The following MACF1 variants were observed in gnomAD, a reference collection of about 807,000 sequenced individuals.
MACF1 encodes the protein microtubule-actin cross-linking factor 1.
A neutral mutation model predicts 854.8 loss-of-function variants in MACF1; 193 were observed. The observed-to-expected ratio is 0.23, with a 90% CI of 0.20 to 0.25. The LOEUF is 0.25. Among genes scored for constraint, MACF1 ranks in the 10% least tolerant of loss-of-function variants. MACF1 has a pLI of 1.00. For missense variants in MACF1, 7,722 were observed against 8,929.1 expected (o/e 0.86, Z 5.45); for synonymous variants, 3,185 against 3,226.7 (o/e 0.99, Z 0.44).
intron 54 of MACF1, 82 bp downstream of exon 54, chr1:39,379,526 TGAGAG>T: frequency 6.7e-7 from 1 of 1,482,706 alleles, no homozygotes; most frequent in Non-Finnish European, 9.1e-7. Context: ...CCCAGGTATC[TGAGAG>T]AGAGACATGG....
intron 19 of MACF1, 68 bp downstream of exon 19, chr1:39,295,218 G>A: frequency 2.3e-6 from 3 of 1,329,468 alleles, no homozygotes; most frequent in Non-Finnish European, 3.2e-6. Context: ...ATTCAAATTA[G>A]AGACTTTGTT....
chr1:39,288,073 A>T (rs1645681818), intron 15 of MACF1, among the ~76,000 whole-genome samples: 1 of 152,210 alleles, frequency 6.6e-6, no homozygotes, highest in Admixed American at 6.5e-5. Context: ...TTTATACGAT[A>T]CATGAGATAT....
chr1:39,334,172 T>C lies in MACF1; in HGVS notation c.7584T>C (p.Gly2528=). 1 of 1,614,074 alleles carries C rather than the reference T, an allele frequency of 6.2e-7. No individual in the cohort carries two copies. The highest frequency in any genetic ancestry group is 1.3e-5 in the African/African-American group (1 of 75,022). Residue 2528 remains glycine, a synonymous_variant, in exon 37 of 101, where the codon GGT becomes GGC. Coordinates refer to ENST00000564288, the MANE Select transcript of MACF1 (RefSeq NM_001394062.1). ...VDNAFRHGLI[G]EDLAEKLKRV... is the part of the protein sequence containing the mutation. ...ATGCCTTCAGACATGGCTTAATTGG[T>C]GAAGATTTAGCCGAGAAACTCAAAA...
At chr1:39,190,307 C>T (rs1293445788) in intron 2 of MACF1, among the ~76,000 whole-genome samples, 1 of 151,148 alleles carries the variant, frequency 6.6e-6, no homozygotes, top group African/African-American at 2.4e-5. Context: ...CCTCCCCTCC[C>T]CGCCCCTCTC....
intron 49 of MACF1, among the ~76,000 whole-genome samples, chr1:39,365,868 G>A (rs1648659701): frequency 6.6e-6 from 1 of 151,950 alleles, no homozygotes; most frequent in African/African-American, 2.4e-5. Context: ...CAGAGACGGG[G>A]TTTCACCATG....
At chr1:39,482,804 AAAAAAAAAAAAC>A (rs1197984049) in intron 99 of MACF1, among the ~76,000 whole-genome samples, 5 of 147,776 alleles carry the variant, frequency 3.4e-5, no homozygotes, top group Non-Finnish European at 7.5e-5. Context: ...AAAAAAAAAA[AAAAAAAAAAAAC>A]CCCACACAGA....
chr1:39,480,283 T>C lies in MACF1; in HGVS notation c.22170+274T>C, dbSNP rs540657511. 3.3e-5 allele frequency among the ~76,000 whole-genome samples: 5 copies of C among 152,274 alleles called. No homozygotes were observed. The South Asian group carries it at 8.3e-4, about 25-fold the overall frequency. On this transcript the variant is annotated intron_variant, in intron 98 of 100. Coordinates refer to ENST00000564288, the MANE Select transcript of MACF1 (RefSeq NM_001394062.1). The stretch of plus-strand genomic sequence containing the variant: ...CAGAAATGTTTATTTCCTCATGTTC[T>C]CAGTTTAAGTTTGAGCCCATCCAGT...
chr1:39,244,078 T>G (rs1382072455), intron 2 of MACF1, among the ~76,000 whole-genome samples: 1 of 152,004 alleles, frequency 6.6e-6, no homozygotes, highest in African/African-American at 2.4e-5. Flanking sequence ...TGTATCTCTT[T>G]GATAGTTTTA....
chr1:39,471,359 G>A (rs76030961), intron 97 of MACF1, among the ~76,000 whole-genome samples: 4,161 of 152,226 alleles, frequency 0.027, 97 homozygotes, highest in Middle Eastern at 0.082. Context: ...GCTTATGGTA[G>A]GTTTTGTACT....
chr1:39,273,833 GC>G (rs1170924697), intron 6 of MACF1, among the ~76,000 whole-genome samples: 1 of 152,050 alleles, frequency 6.6e-6, no homozygotes, highest in Non-Finnish European at 1.5e-5. Flanking sequence ...CTCGTAATCC[GC>G]CCGCCTCGGC....
intron 2 of MACF1, among the ~76,000 whole-genome samples, chr1:39,109,895 C>G (rs375737661): frequency 6.6e-6 from 1 of 152,124 alleles, no homozygotes; most frequent in Non-Finnish European, 1.5e-5. Context: ...GTTTTAGTTT[C>G]TGAAGTATAG....
At chr1:39,410,509 G>A in intron 58 of MACF1, 2 of 1,614,066 alleles carry the variant, frequency 1.2e-6, no homozygotes, top group Non-Finnish European at 1.7e-6. Flanking sequence ...AGCATCTAAT[G>A]TTTTTGAATC....
chr1:39,188,002 C>T (rs1009590952), intron 2 of MACF1, among the ~76,000 whole-genome samples: 1 of 144,912 alleles, frequency 6.9e-6, no homozygotes, highest in African/African-American at 2.5e-5. Flanking sequence ...CCTCCCCTTC[C>T]CTTCCCTTTC....
chr1:39,131,151 CTT>C (rs34762038), intron 2 of MACF1, among the ~76,000 whole-genome samples: 2 of 42,348 alleles, frequency 4.7e-5, no homozygotes, highest in African/African-American at 1.9e-4. Context: ...TGCGCCCGGC[CTT>C]TTTTTTTTTT....
chr1:39,443,536 C>A lies in MACF1; in HGVS notation c.19393C>A (p.Leu6465Ile). 1 of 1,613,454 alleles carries A rather than the reference C, an allele frequency of 6.2e-7. No homozygotes were observed. The change falls in exon 79 of 101, where the codon CTT becomes ATT. Residue 6465 changes from leucine to isoleucine, a missense_variant. Leu to Ile is a conservative substitution (Grantham distance 5). Coordinates refer to ENST00000564288, the MANE Select transcript of MACF1 (RefSeq NM_001394062.1). ...QLSASKPTGG[L>I]PETAREQLDT... The stretch of plus-strand genomic sequence containing the variant: ...TTCTGCATCTAAGCCCACAGGAGGA[C>A]TTCCTGAAACTGCTAGGGAACAGCT...
At chr1:39,330,539 T>C (rs756150876) in intron 36 of MACF1, among the ~76,000 whole-genome samples, 2 of 152,318 alleles carry the variant, frequency 1.3e-5, no homozygotes, top group East Asian at 1.9e-4. Context: ...TTTAAGAACA[T>C]TTATGATGAT....
chr1:39,168,957 A>T (rs377004890), intron 2 of MACF1, among the ~76,000 whole-genome samples: 136 of 152,174 alleles, frequency 8.9e-4, no homozygotes, highest in African/African-American at 3.2e-3. Context: ...CCAAGCTTAA[A>T]TTTGGCTTTT....
intron 2 of MACF1, among the ~76,000 whole-genome samples, chr1:39,089,580 C>G (rs1227696289): frequency 2.0e-5 from 3 of 152,072 alleles, no homozygotes; most frequent in African/African-American, 7.2e-5. Context: ...ACCCTTTTTG[C>G]CCTGGGACAG....
At chr1:39,186,214 C>A (rs55714454) in intron 2 of MACF1, among the ~76,000 whole-genome samples, 59 of 57,954 alleles carry the variant, frequency 1.0e-3, no homozygotes, top group African/African-American at 2.8e-3. Flanking sequence ...CTCTCTCTCT[C>A]TGTGTGTGTG....
Sources: gnomAD v4.1 joint callset for allele counts (sites outside exome capture counted in the v4.1 genomes callset) on GRCh38, gnomAD v4.1.1 for gene constraint, MANE v1.5 for transcripts, NCBI Gene and HGNC (gene_info 2026-07-23, HGNC 2026-07-21) for gene names.